The following MAP3K14 variants were observed in gnomAD, a reference collection of about 807,000 sequenced individuals.
MAP3K14 encodes the protein mitogen-activated protein kinase kinase kinase 14.
Under a neutral mutation model 99.2 loss-of-function variants are expected in MAP3K14, and 16 were observed. The observed-to-expected ratio is 0.16, with a 90% CI of 0.11 to 0.24. The LOEUF is 0.24. Among genes scored for constraint, MAP3K14 ranks in the 10% least tolerant of loss-of-function variants. MAP3K14 has a pLI of 1.00. For missense variants in MAP3K14, 784 were observed against 1,208.7 expected, an observed-to-expected ratio of 0.65 and a Z score of 5.21; for synonymous variants, 462 against 492.4, an observed-to-expected ratio of 0.94 and a Z score of 0.82.
intron 1 of MAP3K14, among the ~76,000 whole-genome samples, chr17:45,297,548 A>C (rs1361711050): frequency 6.6e-6 from 1 of 152,214 alleles, no homozygotes; most frequent in African/African-American, 2.4e-5. Context: ...CACATACACA[A>C]ACAGGAGTTC....
In MAP3K14 at chr17:45,285,884, G is replaced by A. The variant is rs561113837; in HGVS notation, c.1152+547C>T. 9.2e-5 allele frequency among the ~76,000 whole-genome samples: 14 copies of A among 151,510 alleles called. 1 individual carries two copies. The South Asian group carries it at 2.7e-3, about 29-fold the overall frequency. ...GGAGGATTGCTTGAACCCAGGAGAC[G>A]GAGGCTGTAGTGAGCTATGATTGTA... On this transcript the variant is annotated intron_variant, in intron 5 of 15. Coordinates refer to ENST00000344686, the MANE Select transcript of MAP3K14 (RefSeq NM_003954.5).
rs531376231 is a variant in MAP3K14 at position 45,311,663 on chromosome 17, C to A, written c.-21+5297G>T. On this transcript the variant is annotated intron_variant, in intron 1 of 15. Coordinates refer to ENST00000344686, the MANE Select transcript of MAP3K14 (RefSeq NM_003954.5). ...CTGAGATGGTGGCAGGCTTGGGATT[C>A]CTAAAGCTTTCTGAAATCCAGGGTT... Among the ~76,000 whole-genome samples, 15 of 152,264 alleles carry A rather than the reference C, an allele frequency of 9.9e-5. No homozygotes were observed. The South Asian group carries it at 2.7e-3, about 27-fold the overall frequency.
intron 6 of MAP3K14, among the ~76,000 whole-genome samples, chr17:45,278,588 G>C (rs2044196859): frequency 6.6e-6 from 1 of 152,052 alleles, no homozygotes; most frequent in African/African-American, 2.4e-5. Context: ...AGGTCACTGG[G>C]TATAAGAGAT....
At chr17:45,310,759 A>T (rs977123620) in intron 1 of MAP3K14, among the ~76,000 whole-genome samples, 2 of 152,230 alleles carry the variant, frequency 1.3e-5, no homozygotes, top group Non-Finnish European at 1.5e-5. Context: ...TTGGCTAGGT[A>T]GGAAAGTGCC....
chr17:45,303,871 C>T (rs768541419), intron 1 of MAP3K14, among the ~76,000 whole-genome samples: 12 of 151,726 alleles, frequency 7.9e-5, no homozygotes, highest in African/African-American at 2.4e-4. Flanking sequence ...CGTGAGCCAC[C>T]GTGCCTGGCC....
chr17:45,276,823 CTTTTTT>C (rs35012373), intron 6 of MAP3K14, among the ~76,000 whole-genome samples: 2 of 62,258 alleles, frequency 3.2e-5, no homozygotes, highest in African/African-American at 7.1e-5. Flanking sequence ...TCTTAGACTT[CTTTTTT>C]TTTTTTTTTT....
chr17:45,266,568 C>T lies in MAP3K14; in HGVS notation c.2547G>A (p.Gly849=), dbSNP rs1459318515. Residue 849 remains glycine (G), a synonymous_variant, in exon 14 of 16, where the codon GGG becomes GGA. Coordinates refer to ENST00000344686, the MANE Select transcript of MAP3K14 (RefSeq NM_003954.5). ...SSSWNMVLAR[G]RPTDTPSYFN... ...AATAGCTTGGGGTGTCGGTGGGCCG[C>T]CCCCGGGCCAGCACCATGTTCCAGC... is the stretch of plus-strand genomic sequence containing the variant. 2 of 1,613,142 alleles carry T rather than the reference C, an allele frequency of 1.2e-6. No individual in the cohort carries two copies. Among genetic ancestry groups the T allele is most frequent in the Non-Finnish European group, 1.7e-6 (2 of 1,179,632 alleles).
chr17:45,265,304 G>A, intron 14 of MAP3K14, 41 bp from the exon 15 acceptor site: 1 of 1,361,232 alleles, frequency 7.3e-7, no homozygotes, highest in South Asian at 1.2e-5. Context: ...AGCGGCTGCT[G>A]GCTCCCCAAG....
intron 9 of MAP3K14, among the ~76,000 whole-genome samples, chr17:45,273,256 C>T (rs2044153517): frequency 1.3e-5 from 2 of 152,158 alleles, no homozygotes; most frequent in Admixed American, 1.3e-4. Flanking sequence ...GGCCTGGGAC[C>T]TACGGAGAGT....
intron 3 of MAP3K14, 63 bp downstream of exon 3, chr17:45,289,173 C>T: frequency 6.7e-7 from 1 of 1,487,000 alleles, no homozygotes; most frequent in South Asian, 1.2e-5. Context: ...CAGGCAAGTG[C>T]TGGGGACGAG....
chr17:45,268,795 G>A (rs997237153), intron 11 of MAP3K14, among the ~76,000 whole-genome samples: 4 of 152,084 alleles, frequency 2.6e-5, no homozygotes, highest in African/African-American at 7.2e-5. Flanking sequence ...GTCCTCAGGC[G>A]TGTCCCCATA....
intron 6 of MAP3K14, among the ~76,000 whole-genome samples, chr17:45,278,458 A>G (rs2044196235): frequency 6.6e-6 from 1 of 152,150 alleles, no homozygotes; most frequent in Non-Finnish European, 1.5e-5. Context: ...TTTCCCAGGC[A>G]CCGGTAAAGC....
intron 6 of MAP3K14, 32 bp downstream of exon 6, chr17:45,284,780 C>T: frequency 1.9e-6 from 3 of 1,568,172 alleles, no homozygotes; most frequent in Non-Finnish European, 1.7e-6. Context: ...TCCTGGCTTC[C>T]CTCTTCACTC....
intron 11 of MAP3K14, among the ~76,000 whole-genome samples, chr17:45,269,987 G>A (rs1364719671): frequency 1.3e-5 from 2 of 152,054 alleles, no homozygotes. Flanking sequence ...TGCAGTCTTG[G>A]GGATCGAGCC....
At position 45,290,982 on chromosome 17, in the gene MAP3K14, C is replaced by T. The variant is rs1598258196; in HGVS notation, c.-20-217G>A. ...ACACGGCACAGTCCCCCGGTCCTCCCAGTACCACAACATAAACAGCCTCCT... is the reference window on the plus strand; with the variant it reads ...ACACGGCACAGTCCCCCGGTCCTCCTAGTACCACAACATAAACAGCCTCCT... On this transcript the variant is annotated intron_variant, in intron 1 of 15. Coordinates refer to ENST00000344686, the MANE Select transcript of MAP3K14 (RefSeq NM_003954.5). 2.7e-5 allele frequency: 14 copies of T among 522,074 alleles called. No individual in the cohort carries two copies. In the East Asian group the frequency reaches 4.6e-4, roughly 17 times the overall value. The allele number at this position is 522,074 out of a possible 1,614,324, so 32.3% of individuals were successfully genotyped here. A position where few individuals can be genotyped will look rare whatever the true frequency, so the allele number is the denominator to read the frequency against.
chr17:45,293,641 C>T (rs2044328413), intron 1 of MAP3K14, among the ~76,000 whole-genome samples: 2 of 152,244 alleles, frequency 1.3e-5, no homozygotes, highest in Non-Finnish European at 2.9e-5. Context: ...CTGACCCTCA[C>T]CTCTCAGGGG....
chr17:45,307,405 A>G (rs2044438953), intron 1 of MAP3K14, among the ~76,000 whole-genome samples: 1 of 152,090 alleles, frequency 6.6e-6, no homozygotes, highest in South Asian at 2.1e-4. Flanking sequence ...CCAATTTCCA[A>G]AGATTAGATG....
At chr17:45,287,449 C>A (rs2044276881) in intron 3 of MAP3K14, 85 bp from the exon 4 acceptor site, 1 of 1,168,844 alleles carries the variant, frequency 8.6e-7, no homozygotes, top group East Asian at 2.5e-5. Flanking sequence ...TGGACTCCTG[C>A]AGATCCAAGG....
chr17:45,290,941 A>C (rs1567996776), intron 1 of MAP3K14, 176 bp from the exon 2 acceptor site: 1 of 603,308 alleles, frequency 1.7e-6, no homozygotes, highest in East Asian at 2.8e-5. Context: ...TCCACCTCTC[A>C]ACAGCTACAC....
Sources: allele counts gnomAD v4.1 joint callset (sites outside exome capture counted in the v4.1 genomes callset), GRCh38; gene constraint gnomAD v4.1.1; transcripts MANE v1.5; gene names NCBI Gene and HGNC (gene_info 2026-07-23, HGNC 2026-07-21).